KCNJ3: variants seen among roughly 807,000 people sequenced by gnomAD.
The protein encoded by KCNJ3 is G protein-activated inward rectifier potassium channel 1.
KCNJ3 carries 4 observed loss-of-function variants against 39.2 expected under a neutral mutation model. The ratio of observed to expected loss-of-function variants is 0.10; its 90% CI spans 0.05 to 0.23. The LOEUF (loss-of-function observed/expected upper bound fraction) is 0.23, where lower values mean the gene tolerates loss of function less well. KCNJ3 is among the 10% of genes least tolerant of loss of function. The probability of loss-of-function intolerance (pLI) is 1.00; values close to 1 mark genes in which losing one functional copy is unlikely to be tolerated. For synonymous variants in KCNJ3, 230 were observed against 237.4 expected (o/e 0.97, Z 0.29); for missense variants, 276 against 634.9 (o/e 0.43, Z 6.08).
chr2:154,705,439 C>T (rs530988641), intron 1 of KCNJ3, among the ~76,000 whole-genome samples: 1 of 152,190 alleles, frequency 6.6e-6, no homozygotes, highest in African/African-American at 2.4e-5. Flanking sequence ...CAATGATGAT[C>T]CCTTCTAGGC....
intron 2 of KCNJ3, among the ~76,000 whole-genome samples, chr2:154,839,649 CAT>C (rs1431700046): frequency 1.3e-5 from 2 of 152,188 alleles, no homozygotes; most frequent in Non-Finnish European, 2.9e-5. Context: ...GATGGTATCT[CAT>C]TGTGGTTTTG....
At chr2:154,782,211 C>G (rs1040962718) in intron 2 of KCNJ3, among the ~76,000 whole-genome samples, 2 of 152,130 alleles carry the variant, frequency 1.3e-5, no homozygotes, top group South Asian at 2.1e-4. Flanking sequence ...CCTGGTTAAA[C>G]TTGGTTCTGC....
At chr2:154,739,327 A>C (rs1038190471) in intron 2 of KCNJ3, among the ~76,000 whole-genome samples, 1 of 152,062 alleles carries the variant, frequency 6.6e-6, no homozygotes, top group African/African-American at 2.4e-5. Flanking sequence ...ACAGAGCACA[A>C]GATATTTTTT....
At chr2:154,842,628 A>G (rs1687593605) in intron 2 of KCNJ3, among the ~76,000 whole-genome samples, 1 of 152,132 alleles carries the variant, frequency 6.6e-6, no homozygotes, top group African/African-American at 2.4e-5. Flanking sequence ...GTGCTCCTGT[A>G]TTGGGTGCAT....
intron 2 of KCNJ3, among the ~76,000 whole-genome samples, chr2:154,841,471 C>A (rs1387792577): frequency 6.6e-6 from 1 of 152,128 alleles, no homozygotes; most frequent in Admixed American, 6.5e-5. Context: ...AGGATTCCCT[C>A]TTTTTCTGTT....
At chr2:154,701,103 G>T (rs1037455215) in intron 1 of KCNJ3, among the ~76,000 whole-genome samples, 1 of 152,118 alleles carries the variant, frequency 6.6e-6, no homozygotes, top group Non-Finnish European at 1.5e-5. Flanking sequence ...TTGTAGATAT[G>T]TTTATTACAA....
At chr2:154,797,156 T>A (rs1686734066) in intron 2 of KCNJ3, among the ~76,000 whole-genome samples, 1 of 152,168 alleles carries the variant, frequency 6.6e-6, no homozygotes, top group South Asian at 2.1e-4. Flanking sequence ...TGGGAGGTGT[T>A]TGGCAAATGT....
At position 154,855,185 on chromosome 2, in the gene KCNJ3, T is replaced by C; in HGVS notation, c.1378T>C (p.Ser460Pro). The stretch of plus-strand genomic sequence containing the variant: ...GGTATCTAAAACCACCAAGATGTTA[T>C]CTGATCCCATGAGCCAGTCTGTGGC... ...KLVSKTTKML[S>P]DPMSQSVADL... The change falls in exon 3 of 3, where the codon TCT becomes CCT. Residue 460 changes from serine to proline, a missense_variant. By Grantham distance (74) the Ser-to-Pro change is moderately conservative. Coordinates refer to ENST00000295101, the MANE Select transcript of KCNJ3 (RefSeq NM_002239.4). 6.2e-7 allele frequency: 1 copy of C among 1,613,948 alleles called. No individual in the cohort carries two copies. Among genetic ancestry groups the C allele is most frequent in the Non-Finnish European group, 8.5e-7 (1 of 1,179,960 alleles).
At chr2:154,824,296 A>G (rs1687233238) in intron 2 of KCNJ3, among the ~76,000 whole-genome samples, 1 of 152,166 alleles carries the variant, frequency 6.6e-6, no homozygotes, top group Non-Finnish European at 1.5e-5. Flanking sequence ...TGATCGCGCC[A>G]CTGCACTCCA....
intron 2 of KCNJ3, among the ~76,000 whole-genome samples, chr2:154,788,045 G>A (rs891516339): frequency 6.6e-6 from 1 of 151,990 alleles, no homozygotes; most frequent in African/African-American, 2.4e-5. Flanking sequence ...ATTAAGAAGT[G>A]GAACAGCTGA....
At chr2:154,700,064 G>A (rs11690166) in intron 1 of KCNJ3, among the ~76,000 whole-genome samples, 70,343 of 151,990 alleles carry the variant, frequency 0.46, 17,285 homozygotes, top group Non-Finnish European at 0.53. Flanking sequence ...GAAGCAGATA[G>A]TAAAGTGGAA....
intron 2 of KCNJ3, among the ~76,000 whole-genome samples, chr2:154,796,252 T>C (rs796343518): frequency 5.3e-5 from 8 of 152,098 alleles, no homozygotes; most frequent in African/African-American, 1.9e-4. Context: ...ACTGAGAAGA[T>C]GCAGTCAGAA....
At chr2:154,811,374 G>T (rs961734010) in intron 2 of KCNJ3, among the ~76,000 whole-genome samples, 16 of 152,056 alleles carry the variant, frequency 1.1e-4, no homozygotes, top group African/African-American at 3.6e-4. Flanking sequence ...TAAGTGTTCT[G>T]GGGACAGTTT....
At chr2:154,837,925 A>T (rs1687498686) in intron 2 of KCNJ3, among the ~76,000 whole-genome samples, 1 of 152,168 alleles carries the variant, frequency 6.6e-6, no homozygotes, top group Admixed American at 6.6e-5. Context: ...TCTTCACTTT[A>T]TTGTTATAGC....
intron 2 of KCNJ3, among the ~76,000 whole-genome samples, chr2:154,737,475 G>A (rs1574441403): frequency 2.4e-5 from 1 of 41,956 alleles, no homozygotes; most frequent in Non-Finnish European, 5.7e-5. Flanking sequence ...AAAAGTAACC[G>A]GCATTCAAAG....
In KCNJ3 at chr2:154,729,846, A is replaced by T. The variant is rs554127096; in HGVS notation, c.919+20027A>T. Among the ~76,000 whole-genome samples, 149 of 152,278 alleles carry T rather than the reference A, an allele frequency of 9.8e-4. 1 individual carries two copies. Among genetic ancestry groups the T allele is most frequent in the Non-Finnish European group, 1.7e-3 (115 of 68,010 alleles). Reference sequence around the variant, plus strand: ...ACTTTATATCGGAAAGCTGGGTTTGATTGCAAATAGTAGAAAACCCAACCA... The same window carrying T: ...ACTTTATATCGGAAAGCTGGGTTTGTTTGCAAATAGTAGAAAACCCAACCA... On this transcript the variant is annotated intron_variant, in intron 2 of 2. Coordinates refer to ENST00000295101, the MANE Select transcript of KCNJ3 (RefSeq NM_002239.4).
intron 2 of KCNJ3, among the ~76,000 whole-genome samples, chr2:154,748,434 G>A (rs1337309976): frequency 1.3e-5 from 2 of 151,886 alleles, no homozygotes; most frequent in African/African-American, 4.8e-5. Flanking sequence ...AAAATTATGT[G>A]TGGAGTTTCT....
intron 1 of KCNJ3, among the ~76,000 whole-genome samples, chr2:154,701,093 T>C (rs1684887726): frequency 6.6e-6 from 1 of 152,160 alleles, no homozygotes; most frequent in African/African-American, 2.4e-5. Context: ...GGCAGTTGTG[T>C]TGTAGATATG....
intron 2 of KCNJ3, among the ~76,000 whole-genome samples, chr2:154,715,898 A>C (rs2105156228): frequency 6.6e-6 from 1 of 152,206 alleles, no homozygotes; most frequent in Admixed American, 6.5e-5. Flanking sequence ...AATAAGGTTA[A>C]ATACTATTAT....
Sources: gnomAD v4.1 joint callset for allele counts (sites outside exome capture counted in the v4.1 genomes callset) on GRCh38, gnomAD v4.1.1 for gene constraint, MANE v1.5 for transcripts, NCBI Gene and HGNC (gene_info 2026-07-23, HGNC 2026-07-21) for gene names.